Variants in COL4A4 observed in about 807,000 individuals in gnomAD.
The protein encoded by COL4A4 is collagen alpha-4(IV) chain.
In COL4A4, 105 loss-of-function variants were observed where a neutral mutation model predicts 192.9. The observed-to-expected ratio is 0.54, with a 90% CI of 0.46 to 0.64. COL4A4 has a LOEUF of 0.64. Ranked by LOEUF, COL4A4 falls within the 30% of genes least tolerant of loss-of-function variation. The pLI is 0.00. For synonymous variants in COL4A4, 762 were observed against 769.9 expected (o/e 0.99, Z 0.17); for missense variants, 1,967 against 2,169.3 (o/e 0.91, Z 1.85).
intron 19 of COL4A4, among the ~76,000 whole-genome samples, chr2:227,097,501 T>A (rs149065889): frequency 6.6e-6 from 1 of 152,202 alleles, no homozygotes; most frequent in South Asian, 2.1e-4. Context: ...ATTTATTTTT[T>A]AAAACCTTGT....
chr2:227,150,838 G>A (rs530039374), intron 1 of COL4A4, among the ~76,000 whole-genome samples: 1 of 151,748 alleles, frequency 6.6e-6, no homozygotes, highest in Non-Finnish European at 1.5e-5. Context: ...CCCTTGACAT[G>A]TGGAGATTAT....
intron 28 of COL4A4, among the ~76,000 whole-genome samples, chr2:227,058,604 G>A (rs6705989): frequency 0.65 from 98,462 of 151,960 alleles, 32,484 homozygotes; most frequent in African/African-American, 0.77. Flanking sequence ...CTGGCCCACC[G>A]ACTTTTAGAA....
intron 45 of COL4A4, among the ~76,000 whole-genome samples, chr2:227,011,944 AC>A (rs1963816896): frequency 6.6e-6 from 1 of 152,202 alleles, no homozygotes; most frequent in Non-Finnish European, 1.5e-5. Context: ...TTGGGAAAAT[AC>A]TGAATAGGAT....
At position 227,022,173 on chromosome 2, in the gene COL4A4, C is replaced by A. The variant is rs770364064; in HGVS notation, c.4091G>T (p.Gly1364Val). 1.2e-6 allele frequency: 2 copies of A among 1,614,078 alleles called. No individual in the cohort carries two copies. The change falls in exon 44 of 48, where the codon GGT (glycine) becomes GTT (valine). Residue 1364 changes from glycine (G) to valine (V), a missense_variant and splice_region_variant. Coordinates refer to ENST00000396625, the MANE Select transcript of COL4A4 (RefSeq NM_000092.5). ...CACATCTGCAGGTGGCCCCGGTTCA[C>A]CTGAAATTGGAATCACCGCTTGTGT... ...KGPTGLPGPR[G>V]EPGPPADVDD...
intron 25 of COL4A4, among the ~76,000 whole-genome samples, chr2:227,066,228 A>G (rs974297580): frequency 3.3e-5 from 5 of 152,356 alleles, no homozygotes; most frequent in African/African-American, 1.2e-4. Flanking sequence ...AAAAGACCAA[A>G]TCTACATCTG....
At chr2:227,098,186 G>T (rs1465900715) in intron 19 of COL4A4, among the ~76,000 whole-genome samples, 1 of 152,072 alleles carries the variant, frequency 6.6e-6, no homozygotes, top group Non-Finnish European at 1.5e-5. Context: ...CACCTTTCAT[G>T]CAGGAGATTT....
intron 25 of COL4A4, among the ~76,000 whole-genome samples, chr2:227,073,866 G>T (rs773818938): frequency 1.4e-4 from 22 of 151,932 alleles, no homozygotes; most frequent in Non-Finnish European, 2.9e-4. Flanking sequence ...AATAAAACCG[G>T]ATTCCTATCT....
At chr2:227,052,627 G>A (rs1974363014) in intron 31 of COL4A4, among the ~76,000 whole-genome samples, 1 of 152,180 alleles carries the variant, frequency 6.6e-6, no homozygotes, top group African/African-American at 2.4e-5. Flanking sequence ...CACAGAGTCT[G>A]GTGTGCCAGG....
Position 227,032,172 on chromosome 2 carries a change from T to G in COL4A4, c.3682A>C (p.Lys1228Gln). 1 of 1,614,190 alleles carries G rather than the reference T, an allele frequency of 6.2e-7. No individual in the cohort carries two copies. Among genetic ancestry groups the G allele is most frequent in the East Asian group, 2.2e-5 (1 of 44,884 alleles). The change falls in exon 39 of 48, where the codon AAG (lysine) becomes CAG (glutamine). Residue 1228 changes from lysine to glutamine, a missense_variant. Physicochemically the swap from Lys to Gln is moderately conservative, Grantham distance 53. Coordinates refer to ENST00000396625, the MANE Select transcript of COL4A4 (RefSeq NM_000092.5). ...CCTGGGGGTCCTGGGGGACCTTTCT[T>G]TCCACGAGGACCTGGAGGAGAGATT... ...PGISPPGPRG[K>Q]KGPPGPPGSS... is the part of the protein sequence containing the mutation.
intron 44 of COL4A4, among the ~76,000 whole-genome samples, chr2:227,021,562 A>T (rs1051903491): frequency 6.6e-6 from 1 of 152,204 alleles, no homozygotes; most frequent in African/African-American, 2.4e-5. Context: ...GCAGTGGCTC[A>T]TGCCTGTAAT....
intron 41 of COL4A4, among the ~76,000 whole-genome samples, chr2:227,030,238 T>C (rs926814258): frequency 6.6e-6 from 1 of 152,182 alleles, no homozygotes; most frequent in African/African-American, 2.4e-5. Context: ...AGAGTATTAT[T>C]AGGGGCTAAA....
At chr2:226,984,347 G>C in the COL4A4 span, among the ~76,000 whole-genome samples, 918 of 152,328 alleles carry the variant, frequency 6.0e-3, 8 homozygotes, top group African/African-American at 0.021. Context: ...GGTTATAGTG[G>C]GGTCCCTCTT....
At position 227,098,731 on chromosome 2, in the gene COL4A4, G is replaced by A; in HGVS notation, c.1167C>T (p.Pro389=). ...CCCCTGGTCTGCCCAAGAGACCTGG[G>A]GGACCAGGTGGTCCAACATCCCCTG... The part of the protein sequence containing the change: ...GETGDVGPPG[P]PGLLGRPGEA... Residue 389 remains proline (P), a synonymous_variant, in exon 19 of 48, where the codon CCC becomes CCT. Coordinates refer to ENST00000396625, the MANE Select transcript of COL4A4 (RefSeq NM_000092.5). The A allele has an allele frequency of 6.2e-7, 1 of 1,614,104 alleles. No homozygotes were observed. The highest frequency in any genetic ancestry group is 8.5e-7 in the Non-Finnish European group (1 of 1,180,002).
chr2:227,121,575 A>AGG (rs1161295242), intron 4 of COL4A4, among the ~76,000 whole-genome samples: 1 of 101,462 alleles, frequency 9.9e-6, no homozygotes, highest in South Asian at 3.0e-4. Context: ...AAAAAAAAAA[A>AGG]AGAAAAGAAA....
At chr2:227,062,258 A>T (rs1420525125) in intron 26 of COL4A4, among the ~76,000 whole-genome samples, 4 of 151,716 alleles carry the variant, frequency 2.6e-5, no homozygotes, top group Non-Finnish European at 5.9e-5. Flanking sequence ...AAAAACTTTC[A>T]AGGGACAGAC....
Position 227,097,802 on chromosome 2 carries a change from A to C in COL4A4, c.1204+892T>G, listed in dbSNP as rs747064615. On this transcript the variant is annotated intron_variant, in intron 19 of 47. Transcript: ENST00000396625. ...CTGAAAGCTAGATTCATGGAAGATT[A>C]AACAAGAGTTTTGTAGTTAGCAGTT... 2.4e-4 allele frequency among the ~76,000 whole-genome samples: 37 copies of C among 152,268 alleles called. 1 individual carries two copies. Among genetic ancestry groups the C allele is most frequent in the Non-Finnish European group, 5.0e-4 (34 of 68,048 alleles).
intron 45 of COL4A4, among the ~76,000 whole-genome samples, chr2:227,011,215 G>A (rs1403948536): frequency 6.6e-6 from 1 of 152,192 alleles, no homozygotes; most frequent in African/African-American, 2.4e-5. Flanking sequence ...AGCAAAAGGT[G>A]AAGTTAGACA....
At chr2:227,009,616 C>T (rs1044982034) in intron 46 of COL4A4, among the ~76,000 whole-genome samples, 7 of 151,392 alleles carry the variant, frequency 4.6e-5, no homozygotes, top group Admixed American at 4.6e-4. Flanking sequence ...GAGAATCGCT[C>T]GAACCCTGGA....
intron 3 of COL4A4, among the ~76,000 whole-genome samples, chr2:227,141,603 C>T (rs2063214151): frequency 6.6e-6 from 1 of 152,048 alleles, no homozygotes; most frequent in Admixed American, 6.6e-5. Context: ...TATCTTTAAG[C>T]ATTAATTTTA....
Sources: allele counts gnomAD v4.1 joint callset (sites outside exome capture counted in the v4.1 genomes callset), GRCh38; gene constraint gnomAD v4.1.1; transcripts MANE v1.5; gene names NCBI Gene and HGNC (gene_info 2026-07-23, HGNC 2026-07-21).